Variants in POU2F2 observed in about 807,000 individuals in gnomAD.
POU2F2 encodes the protein POU class 2 homeobox 2.
Under a neutral mutation model 63.5 loss-of-function variants are expected in POU2F2, and 14 were observed. The observed-to-expected ratio is 0.22, with a 90% confidence interval of 0.15 to 0.34. POU2F2 has a LOEUF of 0.34. POU2F2 is among the 10% of genes least tolerant of loss of function. The probability of loss-of-function intolerance (pLI) is 1.00; values close to 1 mark genes in which losing one functional copy is unlikely to be tolerated. For synonymous variants in POU2F2, 306 were observed against 348.6 expected (o/e 0.88, Z 1.36); for missense variants, 607 against 815.2 (o/e 0.74, Z 3.11).
At chr19:42,189,073 G>C (rs1183862445) in intron 1 of POU2F2, among the ~76,000 whole-genome samples, 2 of 152,206 alleles carry the variant, frequency 1.3e-5, no homozygotes, top group African/African-American at 4.8e-5. Flanking sequence ...TTTGGCAAGA[G>C]AAAGTCCTTA....
At chr19:42,102,533 G>T (rs1165825712) in intron 5 of POU2F2, among the ~76,000 whole-genome samples, 1 of 151,912 alleles carries the variant, frequency 6.6e-6, no homozygotes, top group Non-Finnish European at 1.5e-5. Flanking sequence ...GAGGCAGGAG[G>T]ACTGCTTGAG....
At position 42,132,415 on chromosome 19, in the gene POU2F2, G is replaced by T; in HGVS notation, c.-4C>A. The T allele has an allele frequency of 6.6e-7, 1 of 1,506,342 alleles. No individual in the cohort carries two copies. Among genetic ancestry groups the T allele is most frequent in the South Asian group, 1.3e-5 (1 of 77,982 alleles). 93.3% of individuals were successfully genotyped at this position (1,506,342 alleles called of 1,614,324 possible). ...CCCCCATGCTGGAGTGAACCATGCTGCCCGCCCCGCCAGGGCTGGGGGAAC... is the reference window on the plus strand; with the variant it reads ...CCCCCATGCTGGAGTGAACCATGCTTCCCGCCCCGCCAGGGCTGGGGGAAC... On this transcript the variant is annotated 5_prime_UTR_variant, in exon 1 of 15. Transcript: ENST00000692977.
chr19:42,095,634 C>A lies in POU2F2; in HGVS notation c.931G>T (p.Gly311Cys). ...CTCCGGCCGGGCAGGCCGTCGAAAC[C>A]CAGGCTGGGGCTGCTCAGCTGGTTG... ...SPNQLSSPSL[G>C]FDGLPGRRRK... is the part of the protein sequence containing the mutation. The change falls in exon 10 of 15, where the codon GGT becomes TGT. Residue 311 changes from glycine (G) to cysteine (C), a missense_variant. Gly to Cys is a radical substitution (Grantham distance 159). Coordinates refer to ENST00000692977, the MANE Select transcript of POU2F2 (RefSeq NM_001394376.1). The surrounding 1 kb of genome is among the most constrained non-coding windows in gnomAD (Gnocchi z 7.1). 1 of 1,613,172 alleles carries A rather than the reference C, an allele frequency of 6.2e-7. No homozygotes were observed. Among genetic ancestry groups the A allele is most frequent in the Non-Finnish European group, 8.5e-7 (1 of 1,179,842 alleles).
At chr19:42,189,892 A>AT (rs543572787) in intron 1 of POU2F2, among the ~76,000 whole-genome samples, 9 of 151,580 alleles carry the variant, frequency 5.9e-5, no homozygotes, top group South Asian at 4.2e-4. Context: ...TACTTGGCTA[A>AT]TTTTTTTTTA....
chr19:42,185,122 T>C (rs2034999662), intron 1 of POU2F2, among the ~76,000 whole-genome samples: 1 of 152,172 alleles, frequency 6.6e-6, no homozygotes, highest in South Asian at 2.1e-4. Flanking sequence ...TTCATTAATA[T>C]TAAAATTTTA....
chr19:42,095,569 G>C lies in POU2F2; in HGVS notation c.996C>G (p.Phe332Leu). 6.2e-7 allele frequency: 1 copy of C among 1,608,156 alleles called. No individual in the cohort carries two copies. ...CCGCTAGAAAACTCTTCTCTAAGGC[G>C]AAGCGGACGTTTGTCTCGATGCTGG... ...KRTSIETNVR[F>L]ALEKSFLANQ... Residue 332 changes from phenylalanine to leucine, a missense_variant, in exon 10 of 15, where the codon TTC becomes TTG. This residue lies in a region of POU2F2 where 36 missense variants were observed against 63.8 expected (regional missense o/e 0.56). Transcript: ENST00000692977. This position sits in a 1 kb window ranked among gnomAD's most constrained non-coding sequence, Gnocchi z 7.1.
At chr19:42,145,938 A>G (rs1265974066) in intron 2 of POU2F2, among the ~76,000 whole-genome samples, 1 of 151,646 alleles carries the variant, frequency 6.6e-6, no homozygotes, top group Non-Finnish European at 1.5e-5. Context: ...TGTCTCAAAA[A>G]AAAAAGAGTT....
chr19:42,097,495 CTTTTT>C (rs565786464), intron 7 of POU2F2, among the ~76,000 whole-genome samples: 1 of 136,352 alleles, frequency 7.3e-6, no homozygotes, highest in Non-Finnish European at 1.6e-5. Context: ...TGCGCCCTGC[CTTTTT>C]TTTTTTTTTT....
At chr19:42,188,601 G>A in intron 1 of POU2F2, among the ~76,000 whole-genome samples, 1 of 150,384 alleles carries the variant, frequency 6.6e-6, no homozygotes, top group Non-Finnish European at 1.5e-5. Context: ...AACCCAGGAG[G>A]CGGAGGTTGC....
chr19:42,115,277 A>C (rs575295091), intron 5 of POU2F2, among the ~76,000 whole-genome samples: 6 of 152,320 alleles, frequency 3.9e-5, no homozygotes, highest in South Asian at 4.1e-4. Flanking sequence ...AGTGTTAAGG[A>C]AAGTCCCAAA....
At chr19:42,129,344 C>T (rs1007282471) in intron 1 of POU2F2, among the ~76,000 whole-genome samples, 2 of 152,126 alleles carry the variant, frequency 1.3e-5, no homozygotes, top group African/African-American at 4.8e-5. Context: ...TGAATCCCAC[C>T]TTCCTCAGGT....
intron 2 of POU2F2, among the ~76,000 whole-genome samples, chr19:42,148,072 C>T (rs888613015): frequency 2.6e-5 from 4 of 151,842 alleles, no homozygotes; most frequent in South Asian, 2.1e-4. Context: ...TCTCTTGCCC[C>T]CCTCTTCATC....
chr19:42,099,367 C>T, intron 7 of POU2F2, 160 bp downstream of exon 7: 1 of 658,158 alleles, frequency 1.5e-6, no homozygotes, highest in African/African-American at 1.8e-5. Context: ...CTGACCCAGA[C>T]AGGGAGATGG....
At position 42,091,154 on chromosome 19, in the gene POU2F2, T is replaced by G. The variant is rs2076698405; in HGVS notation, c.*103A>C. 1 of 1,106,238 alleles carries G rather than the reference T, an allele frequency of 9.0e-7. No individual in the cohort carries two copies. The highest frequency in any genetic ancestry group is 1.6e-5 in the African/African-American group (1 of 61,812). The allele number at this position is 1,106,238 out of a possible 1,614,324, so 68.5% of individuals were successfully genotyped here. On this transcript the variant is annotated 3_prime_UTR_variant, in exon 15 of 15. Coordinates refer to ENST00000692977, the MANE Select transcript of POU2F2 (RefSeq NM_001394376.1). The stretch of plus-strand genomic sequence containing the variant: ...GTCTTTCCTCCCTTGTCACTCCTGC[T>G]CTGAGGACCCTCTGCGTCCCCACCA...
chr19:42,121,281 G>A (rs553089611), intron 4 of POU2F2, among the ~76,000 whole-genome samples: 1 of 152,312 alleles, frequency 6.6e-6, no homozygotes, highest in African/African-American at 2.4e-5. Flanking sequence ...CACAGAAGCA[G>A]GACATCTGCT....
chr19:42,096,732 G>A lies in POU2F2; in HGVS notation c.568-489C>T, dbSNP rs899876460. 6.6e-6 allele frequency among the ~76,000 whole-genome samples: 1 copy of A among 152,174 alleles called. No homozygotes were observed. Among genetic ancestry groups the A allele is most frequent in the Admixed American group, 6.5e-5 (1 of 15,278 alleles). ...GAATCGGGTTAAAAATGAGTAGGTC[G>A]TGCAGACCCATGGACTGTACAATGC... On this transcript the variant is annotated intron_variant, in intron 7 of 14. Coordinates refer to ENST00000692977, the MANE Select transcript of POU2F2 (RefSeq NM_001394376.1). This position sits in a 1 kb window ranked among gnomAD's most constrained non-coding sequence, Gnocchi z 4.1.
Position 42,117,345 on chromosome 19 carries a change from C to A in POU2F2, c.274G>T (p.Gly92Cys). The change falls in exon 5 of 15, where the codon GGC (glycine) becomes TGC (cysteine). Residue 92 changes from glycine (G) to cysteine (C), a missense_variant. Gly to Cys is a radical substitution (Grantham distance 159). Coordinates refer to ENST00000692977, the MANE Select transcript of POU2F2 (RefSeq NM_001394376.1). This position sits in a 1 kb window ranked among gnomAD's most constrained non-coding sequence, Gnocchi z 4.4. ...PPQIKAEDPS[G>C]DSAPAAPLPP... ...AGGGGTGCTGCTGGGGCTGAATCGC[C>A]ACTGGGGTCTTCAGCCTTGATCTGG... 2 of 1,531,336 alleles carry A rather than the reference C, an allele frequency of 1.3e-6. No individual in the cohort carries two copies. The highest frequency in any genetic ancestry group is 1.7e-6 in the Non-Finnish European group (2 of 1,151,626). The allele number at this position is 1,531,336 out of a possible 1,614,324, so 94.9% of individuals were successfully genotyped here. A position where few individuals can be genotyped will look rare whatever the true frequency, so the allele number is the denominator to read the frequency against.
intron 1 of POU2F2, among the ~76,000 whole-genome samples, chr19:42,167,914 G>T (rs1233803367): frequency 1.3e-5 from 2 of 152,222 alleles, no homozygotes; most frequent in African/African-American, 4.8e-5. Flanking sequence ...TCCCCAGACT[G>T]AGGACTACTC....
At position 42,095,982 on chromosome 19, in the gene POU2F2, CTGG is replaced by C. The variant is rs1462810882; in HGVS notation, c.730-56_730-54del. On this transcript the variant is annotated intron_variant, in intron 8 of 14. Coordinates refer to ENST00000692977, the MANE Select transcript of POU2F2 (RefSeq NM_001394376.1). The surrounding 1 kb of genome is among the most constrained non-coding windows in gnomAD (Gnocchi z 7.1). ...GAAGTCAGGGTGGGGCCTTCCGGCA[CTGG>C]GCCCGCTCCGCCCGCCCACTGGCCA... The C allele has an allele frequency of 2.5e-6, 4 of 1,599,456 alleles. No individual in the cohort carries two copies. In the African/African-American group the frequency reaches 5.4e-5, roughly 21 times the overall value.
Sources: allele counts gnomAD v4.1 joint callset (sites outside exome capture counted in the v4.1 genomes callset), GRCh38; gene constraint gnomAD v4.1.1; regional missense constraint gnomAD v4.1.1; non-coding constraint Gnocchi (gnomAD v3.1); transcripts MANE v1.5; gene names NCBI Gene and HGNC (gene_info 2026-07-23, HGNC 2026-07-21).